Variants in EXOC6B observed in about 807,000 individuals in gnomAD.
EXOC6B encodes exocyst complex component 6B.
EXOC6B carries 54 observed loss-of-function variants against 113.5 expected under a neutral mutation model. The ratio of observed to expected loss-of-function variants is 0.48; its 90% CI spans 0.38 to 0.60. The LOEUF (loss-of-function observed/expected upper bound fraction) is 0.60. Ranked by LOEUF, EXOC6B falls within the 20% of genes least tolerant of loss-of-function variation. EXOC6B has a pLI of 0.00. For missense variants in EXOC6B, 797 were observed against 977.5 expected (o/e 0.82, Z 2.46); for synonymous variants, 357 against 339.0 (o/e 1.05, Z -0.58).
chr2:72,475,296 C>G (rs1384720730), intron 17 of EXOC6B, among the ~76,000 whole-genome samples: 1 of 152,146 alleles, frequency 6.6e-6, no homozygotes, highest in East Asian at 1.9e-4. Context: ...ACCCCTGGGG[C>G]AGCCAGCTTG....
chr2:72,462,413 A>G (rs1697744481), intron 18 of EXOC6B: 1 of 152,104 alleles, frequency 6.6e-6, no homozygotes, highest in Admixed American at 6.6e-5. Context: ...GAAATGTTTG[A>G]GCCTTGCCAA....
chr2:72,768,144 A>C (rs1683206465), intron 1 of EXOC6B, among the ~76,000 whole-genome samples: 1 of 151,182 alleles, frequency 6.6e-6, no homozygotes. Context: ...AAAAAGAAAG[A>C]AAGAAAGAAA....
intron 12 of EXOC6B, among the ~76,000 whole-genome samples, chr2:72,499,695 T>A (rs1700222925): frequency 6.6e-6 from 1 of 151,942 alleles, no homozygotes; most frequent in Non-Finnish European, 1.5e-5. Flanking sequence ...TACTGGTGAT[T>A]TTTTATGTTT....
chr2:72,605,710 G>T (rs1343776919), intron 6 of EXOC6B, among the ~76,000 whole-genome samples: 2 of 152,056 alleles, frequency 1.3e-5, no homozygotes, highest in Admixed American at 6.6e-5. Context: ...ATCCATTCCA[G>T]GCAAACAACT....
intron 19 of EXOC6B, among the ~76,000 whole-genome samples, chr2:72,340,433 T>C (rs1688957239): frequency 6.6e-6 from 1 of 152,130 alleles, no homozygotes; most frequent in African/African-American, 2.4e-5. Context: ...GTCTGGCAAG[T>C]ATGTAAAATA....
chr2:72,418,847 G>A (rs114329468), intron 18 of EXOC6B, among the ~76,000 whole-genome samples: 1,575 of 152,136 alleles, frequency 0.01, 41 homozygotes, highest in African/African-American at 0.036. Flanking sequence ...TTTGTCATTT[G>A]CTATTACTTC....
At chr2:72,751,539 G>A (rs781722441) in intron 1 of EXOC6B, among the ~76,000 whole-genome samples, 10 of 152,060 alleles carry the variant, frequency 6.6e-5, no homozygotes, top group Non-Finnish European at 8.8e-5. Flanking sequence ...TGACCGAGAG[G>A]AAGGGTCCAT....
In EXOC6B at chr2:72,209,069, C is replaced by A. The variant is rs1044578347; in HGVS notation, c.2197-24882G>T. 3.3e-5 allele frequency among the ~76,000 whole-genome samples: 5 copies of A among 151,652 alleles called. No homozygotes were observed. The South Asian group carries it at 1.0e-3, about 32-fold the overall frequency. On this transcript the variant is annotated intron_variant, in intron 20 of 21. Transcript: ENST00000272427. ...AGAAACCCCATCTCTACTAAAAATA[C>A]AAAACTAGCCTGGTGTGTTGGCGCA...
intron 6 of EXOC6B, among the ~76,000 whole-genome samples, chr2:72,661,355 T>G (rs1674998727): frequency 7.3e-6 from 1 of 137,214 alleles, no homozygotes; most frequent in Non-Finnish European, 1.5e-5. Context: ...CCATGCTGAA[T>G]ATACCAAGGA....
At chr2:72,251,569 T>A (rs544508559) in intron 20 of EXOC6B, among the ~76,000 whole-genome samples, 4 of 152,318 alleles carry the variant, frequency 2.6e-5, no homozygotes, top group African/African-American at 9.6e-5. Context: ...TTTTAATTTT[T>A]ATTTTTTAAG....
At chr2:72,356,636 T>G (rs1458145223) in intron 19 of EXOC6B, among the ~76,000 whole-genome samples, 1 of 152,164 alleles carries the variant, frequency 6.6e-6, no homozygotes, top group Non-Finnish European at 1.5e-5. Flanking sequence ...AAGAATCACA[T>G]ATAAAGTTTC....
intron 6 of EXOC6B, among the ~76,000 whole-genome samples, chr2:72,710,870 A>T (rs988160490): frequency 6.6e-6 from 1 of 152,222 alleles, no homozygotes; most frequent in South Asian, 2.1e-4. Context: ...GGAGCCTTCA[A>T]TATCTTTTAT....
intron 19 of EXOC6B, among the ~76,000 whole-genome samples, chr2:72,339,400 C>A (rs1169185560): frequency 6.6e-6 from 1 of 152,154 alleles, no homozygotes; most frequent in African/African-American, 2.4e-5. Flanking sequence ...AAGCCAGCAC[C>A]AGAGATTCTG....
At chr2:72,267,219 T>A (rs1396152811) in intron 20 of EXOC6B, among the ~76,000 whole-genome samples, 1 of 152,180 alleles carries the variant, frequency 6.6e-6, no homozygotes, top group Non-Finnish European at 1.5e-5. Context: ...CAATTTGACT[T>A]CCTCTTTTCC....
chr2:72,528,258 T>C (rs1028730323), intron 8 of EXOC6B, among the ~76,000 whole-genome samples: 3 of 152,108 alleles, frequency 2.0e-5, no homozygotes, highest in African/African-American at 7.2e-5. Context: ...GGAGGTTAGC[T>C]CAAAGTTCTA....
intron 20 of EXOC6B, among the ~76,000 whole-genome samples, chr2:72,300,359 G>A (rs1686433495): frequency 6.6e-6 from 1 of 152,144 alleles, no homozygotes; most frequent in Admixed American, 6.5e-5. Flanking sequence ...CAACAATGGC[G>A]GACGCCCCTA....
intron 6 of EXOC6B, among the ~76,000 whole-genome samples, chr2:72,623,112 T>C (rs1291482447): frequency 6.6e-6 from 1 of 152,070 alleles, no homozygotes; most frequent in Non-Finnish European, 1.5e-5. Flanking sequence ...AGCTATCACT[T>C]ATGTATAGCT....
chr2:72,471,186 G>A (rs993608498), intron 17 of EXOC6B, among the ~76,000 whole-genome samples: 1 of 152,132 alleles, frequency 6.6e-6, no homozygotes, highest in Non-Finnish European at 1.5e-5. Context: ...GTATCTCATT[G>A]TGGTTTTGAT....
chr2:72,253,611 G>A (rs1006906001), intron 20 of EXOC6B, among the ~76,000 whole-genome samples: 2 of 152,198 alleles, frequency 1.3e-5, no homozygotes. Context: ...ACCAAACACC[G>A]CATGTTCTCA....
Sources: gnomAD v4.1 joint callset for allele counts (sites outside exome capture counted in the v4.1 genomes callset) on GRCh38, gnomAD v4.1.1 for gene constraint, MANE v1.5 for transcripts, NCBI Gene and HGNC (gene_info 2026-07-23, HGNC 2026-07-21) for gene names.